TENM3: variants seen among roughly 807,000 people sequenced by gnomAD.
The protein encoded by TENM3 is teneurin transmembrane protein 3, also known as teneurin-3.
Under a neutral mutation model 255.1 loss-of-function variants are expected in TENM3, and 63 were observed. The observed-to-expected ratio is 0.25, with a 90% confidence interval of 0.20 to 0.30. The LOEUF (loss-of-function observed/expected upper bound fraction) is 0.30, where lower values mean the gene tolerates loss of function less well. Among genes scored for constraint, TENM3 ranks in the 10% least tolerant of loss-of-function variants. The probability of loss-of-function intolerance (pLI) is 1.00; values close to 1 mark genes in which losing one functional copy is unlikely to be tolerated. For missense variants in TENM3, 2,929 were observed against 3,461.1 expected (o/e 0.85, Z 3.86); for synonymous variants, 1,306 against 1,322.3 (o/e 0.99, Z 0.27).
the TENM3 span, among the ~76,000 whole-genome samples, chr4:181,662,507 C>G: frequency 6.6e-5 from 10 of 152,188 alleles, no homozygotes; most frequent in Non-Finnish European, 1.3e-4. Flanking sequence ...GTCCTTCTCT[C>G]GGATATTGGC....
At chr4:182,779,962 G>A (rs1248073666) in intron 24 of TENM3, among the ~76,000 whole-genome samples, 41 of 151,046 alleles carry the variant, frequency 2.7e-4, no homozygotes, top group African/African-American at 8.7e-4. Flanking sequence ...TTAGCCCTTT[G>A]TCAGATGAGT....
At chr4:182,448,387 C>T (rs1483325944) in intron 3 of TENM3, among the ~76,000 whole-genome samples, 1 of 151,906 alleles carries the variant, frequency 6.6e-6, no homozygotes, top group Non-Finnish European at 1.5e-5. Context: ...CCCTCCCGCC[C>T]CCGAGGTACC....
At chr4:182,523,951 AACATACT>A (rs1449848724) in intron 3 of TENM3, among the ~76,000 whole-genome samples, 1 of 152,220 alleles carries the variant, frequency 6.6e-6, no homozygotes, top group East Asian at 1.9e-4. Context: ...TATGTATCAT[AACATACT>A]ACAAAGGAAT....
chr4:181,659,599 G>A, the TENM3 span, among the ~76,000 whole-genome samples: 241 of 152,228 alleles, frequency 1.6e-3, no homozygotes, highest in African/African-American at 5.4e-3. Flanking sequence ...AGTCAAAGAA[G>A]GTAAAAGGTA....
At chr4:181,900,845 T>C in the TENM3 span, among the ~76,000 whole-genome samples, 24 of 152,020 alleles carry the variant, frequency 1.6e-4, no homozygotes, top group African/African-American at 5.5e-4. Context: ...ATCTGGATAT[T>C]GCTAGTTTCT....
At chr4:182,752,975 C>G (rs943197929) in intron 20 of TENM3, among the ~76,000 whole-genome samples, 1 of 122,404 alleles carries the variant, frequency 8.2e-6, no homozygotes, top group Non-Finnish European at 1.6e-5. Flanking sequence ...GAGACGGAGT[C>G]TCACTCTGTC....
chr4:182,528,638 TAAAC>T (rs1480430391), intron 3 of TENM3, among the ~76,000 whole-genome samples: 1 of 152,174 alleles, frequency 6.6e-6, no homozygotes, highest in African/African-American at 2.4e-5. Flanking sequence ...AATTATGCAT[TAAAC>T]AAACCAATTT....
chr4:182,480,717 TCAAAG>T lies in TENM3; in HGVS notation c.512-120204_512-120200del, dbSNP rs369889094. Among the ~76,000 whole-genome samples the T allele has an allele frequency of 2.6e-5, 4 of 152,156 alleles. No homozygotes were observed. The East Asian group carries it at 7.7e-4, about 29-fold the overall frequency. Reference sequence around the variant, plus strand: ...TTTAATTTTTCTTTTTTTTGAAAAATCAAAGCATATAGATATTTTATGAAATTTTC... The same window carrying T: ...TTTAATTTTTCTTTTTTTTGAAAAATCATATAGATATTTTATGAAATTTTC... On this transcript the variant is annotated intron_variant, in intron 3 of 27. Transcript: ENST00000511685.
At chr4:182,567,842 C>CAAA (rs199801857) in intron 3 of TENM3, among the ~76,000 whole-genome samples, 41 of 127,264 alleles carry the variant, frequency 3.2e-4, no homozygotes, top group African/African-American at 8.9e-4. Flanking sequence ...GAATGTAATC[C>CAAA]AAAAAAAAAA....
chr4:181,519,807 C>T, the TENM3 span, among the ~76,000 whole-genome samples: 2 of 152,106 alleles, frequency 1.3e-5, no homozygotes, highest in African/African-American at 4.8e-5. Context: ...GTGTCAGTGC[C>T]TCTAAGCCAT....
chr4:182,041,225 A>G, the TENM3 span, among the ~76,000 whole-genome samples: 1 of 152,128 alleles, frequency 6.6e-6, no homozygotes, highest in African/African-American at 2.4e-5. Flanking sequence ...GTCTATCCCT[A>G]CACATACGTT....
the TENM3 span, among the ~76,000 whole-genome samples, chr4:181,905,132 G>A: frequency 7.5e-3 from 1,136 of 152,214 alleles, 15 homozygotes; most frequent in African/African-American, 0.026. Context: ...GTGTGAAAAC[G>A]GACTAATACA....
the TENM3 span, among the ~76,000 whole-genome samples, chr4:181,595,649 A>G: frequency 1.2e-4 from 19 of 152,018 alleles, no homozygotes; most frequent in East Asian, 3.7e-3. Context: ...AGTCTAAAAA[A>G]CGCTGGTTTA....
chr4:181,713,170 A>T, the TENM3 span, among the ~76,000 whole-genome samples: 4 of 152,356 alleles, frequency 2.6e-5, no homozygotes, highest in African/African-American at 9.6e-5. Flanking sequence ...AGGCAAAATG[A>T]TTGGTTGAAA....
At chr4:182,488,448 A>G (rs1392606546) in intron 3 of TENM3, among the ~76,000 whole-genome samples, 1 of 149,554 alleles carries the variant, frequency 6.7e-6, no homozygotes, top group Non-Finnish European at 1.5e-5. Flanking sequence ...AAGACTTGCT[A>G]AGTTATCTAT....
chr4:181,943,250 A>G, the TENM3 span, among the ~76,000 whole-genome samples: 1 of 152,152 alleles, frequency 6.6e-6, no homozygotes, highest in African/African-American at 2.4e-5. Flanking sequence ...AGTGATGCCT[A>G]GAGTTAGGCA....
chr4:182,158,325 C>T (rs533367042), intron 1 of TENM3, among the ~76,000 whole-genome samples: 12 of 152,334 alleles, frequency 7.9e-5, no homozygotes, highest in African/African-American at 2.6e-4. Context: ...TCAAACAAAA[C>T]AAGTCTGCAG....
At chr4:182,044,196 G>A in the TENM3 span, among the ~76,000 whole-genome samples, 4 of 151,890 alleles carry the variant, frequency 2.6e-5, no homozygotes, top group Non-Finnish European at 4.4e-5. Flanking sequence ...CCAAAAGCAA[G>A]GAGAAGAACG....
At chr4:182,184,886 C>A (rs150106080) in intron 1 of TENM3, among the ~76,000 whole-genome samples, 18 of 152,190 alleles carry the variant, frequency 1.2e-4, no homozygotes, top group African/African-American at 4.1e-4. Flanking sequence ...AGTTCAAGAT[C>A]AGCTTGGCCA....
Sources: gnomAD v4.1 joint callset for allele counts (sites outside exome capture counted in the v4.1 genomes callset) on GRCh38, gnomAD v4.1.1 for gene constraint, MANE v1.5 for transcripts, NCBI Gene and HGNC (gene_info 2026-07-23, HGNC 2026-07-21) for gene names.